Variants in KALRN observed in about 807,000 individuals in gnomAD.
KALRN encodes the protein kalirin.
In KALRN, 70 loss-of-function variants were observed where a neutral mutation model predicts 353.7. That is an observed-to-expected ratio of 0.20 (90% confidence interval 0.16 to 0.24). The LOEUF is 0.24. KALRN is among the 10% of genes least tolerant of loss of function. The pLI is 1.00. For missense variants in KALRN, 2,791 were observed against 3,756.7 expected (o/e 0.74, Z 6.72); for synonymous variants, 1,391 against 1,434.8 (o/e 0.97, Z 0.69).
At chr3:124,575,795 T>C (rs977019639) in intron 34 of KALRN, among the ~76,000 whole-genome samples, 2 of 152,204 alleles carry the variant, frequency 1.3e-5, no homozygotes, top group Admixed American at 1.3e-4. Flanking sequence ...GGTTCTCTGC[T>C]TTTAAGAACA....
rs1242079944 is a variant in KALRN, at chr3:124,287,538, T to A, written c.970-11253T>A. ...TCCTCAGGGAGAAAGCTGAGGTGAATATGGAACTTACACTGTATGCTTTCT... is the reference window on the plus strand; with the variant it reads ...TCCTCAGGGAGAAAGCTGAGGTGAAAATGGAACTTACACTGTATGCTTTCT... On this transcript the variant is annotated intron_variant, in intron 5 of 59. Coordinates refer to ENST00000682506, the MANE Select transcript of KALRN (RefSeq NM_001388419.1). Among the ~76,000 whole-genome samples the A allele has an allele frequency of 2.0e-5, 3 of 151,398 alleles. No individual in the cohort carries two copies. The East Asian group carries it at 5.9e-4, about 30-fold the overall frequency.
intron 10 of KALRN, among the ~76,000 whole-genome samples, chr3:124,355,198 T>C (rs992216197): frequency 2.6e-5 from 4 of 152,302 alleles, no homozygotes; most frequent in African/African-American, 7.2e-5. Context: ...CTTTGACCTG[T>C]AGATGCAAGG....
intron 58 of KALRN, among the ~76,000 whole-genome samples, chr3:124,715,077 C>G (rs2063075453): frequency 6.6e-6 from 1 of 150,476 alleles, no homozygotes; most frequent in Admixed American, 6.6e-5. Flanking sequence ...AGTTACAAGT[C>G]TAATGAGGAA....
intron 37 of KALRN, among the ~76,000 whole-genome samples, chr3:124,649,367 A>G (rs909623433): frequency 2.0e-5 from 3 of 152,184 alleles, no homozygotes; most frequent in African/African-American, 7.2e-5. Context: ...ACCTTTTTGG[A>G]CTGCATTTTT....
chr3:124,317,343 A>C (rs2078904807), intron 6 of KALRN, among the ~76,000 whole-genome samples: 2 of 152,168 alleles, frequency 1.3e-5, no homozygotes, highest in South Asian at 4.1e-4. Context: ...TAGGCAGGTT[A>C]TTTAAATTTT....
Position 124,725,301 on chromosome 3 carries a change from T to C in KALRN, c.*5831T>C, listed in dbSNP as rs1189136938. 6.6e-6 allele frequency: 1 copy of C among 152,250 alleles called. No individual in the cohort carries two copies. The highest frequency in any genetic ancestry group is 1.5e-5 in the Non-Finnish European group (1 of 68,034). 9.4% of individuals were successfully genotyped at this position (152,250 alleles called of 1,614,324 possible). ...TTGATTTTTCTGACCCTGGTGCTTT[T>C]ACTTCTGTTTCTGCCAAACTTCAGC... On this transcript the variant is annotated 3_prime_UTR_variant, in exon 60 of 60. Coordinates refer to ENST00000682506, the MANE Select transcript of KALRN (RefSeq NM_001388419.1).
At chr3:124,444,837 G>GAA (rs2093783144) in intron 19 of KALRN, among the ~76,000 whole-genome samples, 1 of 149,836 alleles carries the variant, frequency 6.7e-6, no homozygotes, top group Admixed American at 6.7e-5. Flanking sequence ...AAGAAAGAAA[G>GAA]AGAGAGAAAG....
intron 1 of KALRN, among the ~76,000 whole-genome samples, chr3:124,142,288 C>T (rs548148153): frequency 6.6e-6 from 1 of 152,326 alleles, no homozygotes; most frequent in East Asian, 1.9e-4. Flanking sequence ...TGAGCCAGGT[C>T]CAGCACTCAG....
chr3:124,204,748 G>T (rs754190759), intron 1 of KALRN, among the ~76,000 whole-genome samples: 1 of 152,058 alleles, frequency 6.6e-6, no homozygotes, highest in Non-Finnish European at 1.5e-5. Context: ...TACCTCAAGG[G>T]ACCTGTGATG....
At chr3:124,411,164 GA>G (rs765762994) in intron 13 of KALRN, among the ~76,000 whole-genome samples, 193 of 152,146 alleles carry the variant, frequency 1.3e-3, no homozygotes, top group Non-Finnish European at 2.3e-3. Flanking sequence ...TATGATGATA[GA>G]AATCAGAAAT....
intron 6 of KALRN, among the ~76,000 whole-genome samples, chr3:124,320,610 C>T (rs371092794): frequency 9.2e-5 from 14 of 152,182 alleles, no homozygotes; most frequent in African/African-American, 2.2e-4. Flanking sequence ...CACTTCTGAG[C>T]GCTCTGGATG....
intron 5 of KALRN, among the ~76,000 whole-genome samples, chr3:124,273,258 A>G (rs779995746): frequency 2.0e-5 from 3 of 152,174 alleles, no homozygotes; most frequent in Non-Finnish European, 4.4e-5. Context: ...CTCTCTCCCA[A>G]TTAAGTATCT....
intron 18 of KALRN, among the ~76,000 whole-genome samples, chr3:124,439,815 C>A (rs944252065): frequency 6.6e-6 from 1 of 152,214 alleles, no homozygotes; most frequent in Non-Finnish European, 1.5e-5. Flanking sequence ...CCTTCCCCAG[C>A]CTTTGATCTT....
intron 24 of KALRN, among the ~76,000 whole-genome samples, chr3:124,462,259 A>C (rs1047125379): frequency 6.6e-5 from 10 of 152,196 alleles, no homozygotes; most frequent in African/African-American, 2.4e-4. Flanking sequence ...GGGTCTGAAA[A>C]TCTGCATCCT....
chr3:124,648,152 T>C (rs1205731619), intron 37 of KALRN, among the ~76,000 whole-genome samples: 1 of 152,234 alleles, frequency 6.6e-6, no homozygotes, highest in Non-Finnish European at 1.5e-5. Flanking sequence ...ATCCCAACTC[T>C]AGCATAGGTA....
In KALRN at chr3:124,527,470, G is replaced by A. The variant is rs577475025; in HGVS notation, c.4935+31057G>A. On this transcript the variant is annotated intron_variant, in intron 33 of 59. Transcript: ENST00000682506. ...TAAAAATACAAAAAATTAGCCAGATGTGGTGGCACACACCTGTAGTCCCAG... is the reference window on the plus strand; with the variant it reads ...TAAAAATACAAAAAATTAGCCAGATATGGTGGCACACACCTGTAGTCCCAG... Among the ~76,000 whole-genome samples, 3 of 151,992 alleles carry A rather than the reference G, an allele frequency of 2.0e-5. No homozygotes were observed. The East Asian group carries it at 5.8e-4, about 29-fold the overall frequency.
At chr3:124,124,474 A>C (rs72972619) in intron 1 of KALRN, among the ~76,000 whole-genome samples, 4 of 152,318 alleles carry the variant, frequency 2.6e-5, no homozygotes, top group African/African-American at 9.6e-5. Flanking sequence ...GAAATGACAA[A>C]AGATTTCTGT....
At position 124,368,134 on chromosome 3, in the gene KALRN, G is replaced by T. The variant is rs1294135687; in HGVS notation, c.1771-16711G>T. The stretch of plus-strand genomic sequence containing the variant: ...TCCCGGACGGGGCAGCTGGCCAGGC[G>T]GGGGGCTGACCCCCCCCACCTCCCT... On this transcript the variant is annotated intron_variant, in intron 10 of 59. Transcript: ENST00000682506. Among the ~76,000 whole-genome samples, 13 of 77,918 alleles carry T rather than the reference G, an allele frequency of 1.7e-4. 2 individuals carry two copies. Among genetic ancestry groups the T allele is most frequent in the Non-Finnish European group, 2.3e-4 (9 of 39,496 alleles). The allele number at this position is 77,918 out of a possible 152,430, so 51.1% of individuals were successfully genotyped here. A position where few individuals can be genotyped will look rare whatever the true frequency, so the allele number is the denominator to read the frequency against.
At chr3:124,273,403 T>C (rs1040178222) in intron 5 of KALRN, among the ~76,000 whole-genome samples, 5 of 152,236 alleles carry the variant, frequency 3.3e-5, no homozygotes, top group Non-Finnish European at 5.9e-5. Flanking sequence ...CAGCTCACCA[T>C]CTAATTAAGC....
Sources: allele counts gnomAD v4.1 joint callset (sites outside exome capture counted in the v4.1 genomes callset), GRCh38; gene constraint gnomAD v4.1.1; transcripts MANE v1.5; gene names NCBI Gene and HGNC (gene_info 2026-07-23, HGNC 2026-07-21).